FCRL1: variants seen among roughly 807,000 people sequenced by gnomAD.
FCRL1 encodes the protein Fc receptor-like protein 1.
Under a neutral mutation model 49.2 loss-of-function variants are expected in FCRL1, and 34 were observed. The observed-to-expected ratio is 0.69, with a 90% confidence interval of 0.53 to 0.92. The LOEUF is 0.92. Among genes scored for constraint, FCRL1 ranks in the 40% least tolerant of loss-of-function variants. FCRL1 has a pLI of 0.00. For synonymous variants in FCRL1, 218 were observed against 201.6 expected (o/e 1.08, Z -0.69); for missense variants, 524 against 524.1 (o/e 1.00, Z 0.00).
intron 2 of FCRL1, among the ~76,000 whole-genome samples, chr1:157,805,102 C>T (rs555998067): frequency 6.6e-6 from 1 of 152,214 alleles, no homozygotes; most frequent in South Asian, 2.1e-4. Flanking sequence ...CTGAAGTGAT[C>T]CTACTGCCTT....
Position 157,803,947 on chromosome 1 carries a change from T to A in FCRL1, c.217A>T (p.Ile73Phe). ...GTGTCTTCTTTCCACATGGCAGCGA[T>A]CTGGAGCTTGGGGGAGCTGCTCCAG... ...PGWSSSPKLQ[I>F]AAMWKEDTGS... is the part of the protein sequence containing the mutation. The change falls in exon 3 of 11, where the codon ATC becomes TTC. Residue 73 changes from isoleucine (I) to phenylalanine (F), a missense_variant. By Grantham distance (21) the Ile-to-Phe change is conservative. Transcript: ENST00000368176. 3 of 1,614,190 alleles carry A rather than the reference T, an allele frequency of 1.9e-6. No individual in the cohort carries two copies. Among genetic ancestry groups the A allele is most frequent in the Non-Finnish European group, 2.5e-6 (3 of 1,180,032 alleles).
intron 7 of FCRL1, among the ~76,000 whole-genome samples, chr1:157,799,145 C>T (rs1430059980): frequency 6.6e-6 from 1 of 152,014 alleles, no homozygotes; most frequent in Non-Finnish European, 1.5e-5. Context: ...GGACTACAGG[C>T]GTGCATCACC....
At position 157,802,510 on chromosome 1, in the gene FCRL1, T is replaced by C; in HGVS notation, c.474A>G (p.Ser158=). The C allele has an allele frequency of 1.2e-6, 2 of 1,614,230 alleles. No homozygotes were observed. Among genetic ancestry groups the C allele is most frequent in the Non-Finnish European group, 1.7e-6 (2 of 1,180,048 alleles). Residue 158 remains serine (S), a synonymous_variant, in exon 4 of 11, where the codon TCA becomes TCG. Coordinates refer to ENST00000368176, the MANE Select transcript of FCRL1 (RefSeq NM_052938.5). The part of the protein sequence containing the change: ...YKGAVGLNLQ[S]KTQRSLTAEY... ...CTGCTGTCAGTGAACGCTGGGTCTT[T>C]GACTGAAGGTTTAAACCTACAGCCC...
chr1:157,819,400 G>A (rs770629665), intron 1 of FCRL1, among the ~76,000 whole-genome samples: 13 of 152,254 alleles, frequency 8.5e-5, no homozygotes, highest in South Asian at 6.2e-4. Context: ...AGGTGTGCTC[G>A]AGGGAGTGTT....
chr1:157,806,228 T>A (rs1054007958), intron 2 of FCRL1, among the ~76,000 whole-genome samples: 2 of 152,182 alleles, frequency 1.3e-5, no homozygotes, highest in Non-Finnish European at 2.9e-5. Flanking sequence ...AAACATTAGA[T>A]AAGGAACCTA....
At chr1:157,803,506 C>T (rs1293733452) in intron 3 of FCRL1, among the ~76,000 whole-genome samples, 3 of 152,176 alleles carry the variant, frequency 2.0e-5, no homozygotes, top group Admixed American at 2.0e-4. Flanking sequence ...GCCAGTCCTA[C>T]ACAATGCAGC....
At position 157,803,905 on chromosome 1, in the gene FCRL1, C is replaced by T. The variant is rs745734576; in HGVS notation, c.259G>A (p.Glu87Lys). The T allele has an allele frequency of 4.3e-6, 7 of 1,614,064 alleles. No individual in the cohort carries two copies. The highest frequency in any genetic ancestry group is 3.3e-5 in the Admixed American group (2 of 60,006). ...WKEDTGSYWC[E>K]AQTMASKVLR... ...ACTTTGGACGCCATTGTCTGTGCCT[C>T]GCACCAGTATGACCCTGTGTCTTCT... Residue 87 changes from glutamate (E) to lysine (K), a missense_variant, in exon 3 of 11, where the codon GAG (glutamate) becomes AAG (lysine). Glu to Lys is a moderately conservative substitution (Grantham distance 56). Coordinates refer to ENST00000368176, the MANE Select transcript of FCRL1 (RefSeq NM_052938.5).
chr1:157,819,744 G>A lies in FCRL1; in HGVS notation c.31+263C>T, dbSNP rs74121548. On this transcript the variant is annotated intron_variant, in intron 1 of 10. Transcript: ENST00000368176. ...AGCTGTTGAAAACACTGAGAACAAA[G>A]ACAATTATTGATGGAAAGGAAGACA... is the stretch of plus-strand genomic sequence containing the variant. Among the ~76,000 whole-genome samples the A allele has an allele frequency of 4.9e-3, 748 of 152,170 alleles. 4 individuals carry two copies. Among genetic ancestry groups the A allele is most frequent in the African/African-American group, 0.016 (672 of 41,504 alleles).
chr1:157,807,182 T>C, intron 1 of FCRL1, 60 bp from the exon 2 acceptor site: 1 of 1,586,502 alleles, frequency 6.3e-7, no homozygotes, highest in Non-Finnish European at 8.6e-7. Flanking sequence ...TCTCCAAAGT[T>C]TAAATCCTTT....
At chr1:157,804,712 A>G (rs1281207055) in intron 2 of FCRL1, among the ~76,000 whole-genome samples, 3 of 152,038 alleles carry the variant, frequency 2.0e-5, no homozygotes, top group Admixed American at 6.6e-5. Flanking sequence ...AATGGGGTGT[A>G]TTTGCTTGGA....
At chr1:157,818,129 T>C (rs1417508266) in intron 1 of FCRL1, among the ~76,000 whole-genome samples, 1 of 152,078 alleles carries the variant, frequency 6.6e-6, no homozygotes, top group African/African-American at 2.4e-5. Context: ...GGAACTACCA[T>C]ATGGTTCAGC....
At chr1:157,799,211 A>G (rs1375763993) in intron 7 of FCRL1, among the ~76,000 whole-genome samples, 2 of 152,048 alleles carry the variant, frequency 1.3e-5, no homozygotes, top group African/African-American at 2.4e-5. Context: ...ATGTTGCCCA[A>G]GGTGGTCTGG....
At chr1:157,800,771 G>A (rs1652314165) in intron 6 of FCRL1, among the ~76,000 whole-genome samples, 1 of 152,130 alleles carries the variant, frequency 6.6e-6, no homozygotes, top group South Asian at 2.1e-4. Flanking sequence ...GAAAAAGCAT[G>A]TCACAATACT....
rs369186468 is a variant in FCRL1, at chr1:157,816,771, G to A, written c.31+3236C>T. Among the ~76,000 whole-genome samples, 69 of 145,224 alleles carry A rather than the reference G, an allele frequency of 4.8e-4. 2 individuals carry two copies. In the South Asian group the frequency reaches 0.015, roughly 31 times the overall value. Reference sequence around the variant, plus strand: ...TGATTTGGGCAGCAACTTCACTGATGAAGTTGCTGGATAATAGATAGATAG... The same window carrying A: ...TGATTTGGGCAGCAACTTCACTGATAAAGTTGCTGGATAATAGATAGATAG... On this transcript the variant is annotated intron_variant, in intron 1 of 10. Coordinates refer to ENST00000368176, the MANE Select transcript of FCRL1 (RefSeq NM_052938.5).
rs1651428249 is a variant in FCRL1 at position 157,796,124 on chromosome 1, T to G, written c.1265A>C (p.Asp422Ala). The G allele has an allele frequency of 6.2e-7, 1 of 1,614,066 alleles. No individual in the cohort carries two copies. Among genetic ancestry groups the G allele is most frequent in the Non-Finnish European group, 8.5e-7 (1 of 1,179,938 alleles). The change falls in exon 11 of 11, where the codon GAT (aspartate) becomes GCT (alanine). Residue 422 changes from aspartate (D) to alanine (A), a missense_variant. Coordinates refer to ENST00000368176, the MANE Select transcript of FCRL1 (RefSeq NM_052938.5). The part of the protein sequence containing the change: ...YSRLRKANIT[D>A]VDYEDAM ...TTACATAGCATCTTCATAGTCCACATCTGTAATGTTTGCTTTCCTCAGCCT... is the reference window on the plus strand; with the variant it reads ...TTACATAGCATCTTCATAGTCCACAGCTGTAATGTTTGCTTTCCTCAGCCT...
rs777833617 is a variant in FCRL1, at chr1:157,802,182, G to A, written c.619C>T (p.Arg207Cys). 2.6e-5 allele frequency: 42 copies of A among 1,613,060 alleles called. No homozygotes were observed. Among genetic ancestry groups the A allele is most frequent in the East Asian group, 6.7e-5 (3 of 44,884 alleles). The part of the protein sequence containing the change: ...VSITVRIPVS[R>C]PILMLRAPRA... ...GGAGCCCTGAGCATGAGGATTGGGCGAGACACCGGGACTGAGGGAGACAGT... is the reference window on the plus strand; with the variant it reads ...GGAGCCCTGAGCATGAGGATTGGGCAAGACACCGGGACTGAGGGAGACAGT... Residue 207 changes from arginine to cysteine, a missense_variant, in exon 5 of 11, where the codon CGC becomes TGC. By Grantham distance (180) the Arg-to-Cys change is radical. Transcript: ENST00000368176.
intron 1 of FCRL1, among the ~76,000 whole-genome samples, chr1:157,808,794 G>A (rs1328604581): frequency 6.6e-6 from 1 of 152,122 alleles, no homozygotes; most frequent in Non-Finnish European, 1.5e-5. Context: ...GATATGAAGT[G>A]GTCAGACTTT....
intron 1 of FCRL1, among the ~76,000 whole-genome samples, chr1:157,813,332 T>C (rs756665507): frequency 6.6e-6 from 1 of 152,084 alleles, no homozygotes; most frequent in African/African-American, 2.4e-5. Context: ...AGAATACAGA[T>C]GAAAAGTTCA....
At chr1:157,810,968 A>T (rs1020540214) in intron 1 of FCRL1, among the ~76,000 whole-genome samples, 15 of 152,070 alleles carry the variant, frequency 9.9e-5, no homozygotes, top group Non-Finnish European at 1.5e-5. Context: ...TTTTGTAGAG[A>T]CAAGATTTTG....
Sources: gnomAD v4.1 joint callset for allele counts (sites outside exome capture counted in the v4.1 genomes callset) on GRCh38, gnomAD v4.1.1 for gene constraint, MANE v1.5 for transcripts, NCBI Gene and HGNC (gene_info 2026-07-23, HGNC 2026-07-21) for gene names.